CNGA1: variants seen among roughly 807,000 people sequenced by gnomAD.
CNGA1 encodes cyclic nucleotide-gated channel alpha-1.
Under a neutral mutation model 69.7 loss-of-function variants are expected in CNGA1, and 53 were observed. The observed-to-expected ratio is 0.76, with a 90% CI of 0.61 to 0.96. CNGA1 has a LOEUF of 0.96. CNGA1 is among the 40% of genes least tolerant of loss of function. CNGA1 has a pLI of 0.00. For missense variants in CNGA1, 739 were observed against 811.2 expected (o/e 0.91, Z 1.08); for synonymous variants, 249 against 283.5 (o/e 0.88, Z 1.22).
intron 2 of CNGA1, among the ~76,000 whole-genome samples, chr4:48,001,284 C>A (rs957678135): frequency 2.0e-5 from 3 of 152,104 alleles, no homozygotes; most frequent in Non-Finnish European, 2.9e-5. Flanking sequence ...TGTTCACCAA[C>A]ATGTTGAAAC....
chr4:47,971,874 A>G (rs752758586), intron 3 of CNGA1, among the ~76,000 whole-genome samples: 3 of 151,188 alleles, frequency 2.0e-5, no homozygotes, highest in Non-Finnish European at 4.4e-5. Context: ...AGCCTGGGCA[A>G]CAGAGCAAGA....
chr4:47,993,080 G>A (rs1293338448), intron 2 of CNGA1, among the ~76,000 whole-genome samples: 1 of 152,056 alleles, frequency 6.6e-6, no homozygotes, highest in Non-Finnish European at 1.5e-5. Context: ...ATATGTTGTT[G>A]GATTCGGTTA....
intron 3 of CNGA1, among the ~76,000 whole-genome samples, chr4:47,979,145 AC>A (rs1376911652): frequency 6.6e-6 from 1 of 151,890 alleles, no homozygotes; most frequent in East Asian, 1.9e-4. Flanking sequence ...ACATGGCAAA[AC>A]CCCGTCTCCA....
chr4:47,990,224 C>T (rs1742198369), intron 2 of CNGA1, among the ~76,000 whole-genome samples: 1 of 152,068 alleles, frequency 6.6e-6, no homozygotes, highest in African/African-American at 2.4e-5. Context: ...AGGCAGAATA[C>T]AGCCATATTT....
At chr4:47,983,306 CT>C (rs1741826974) in intron 2 of CNGA1, among the ~76,000 whole-genome samples, 1 of 152,092 alleles carries the variant, frequency 6.6e-6, no homozygotes, top group Non-Finnish European at 1.5e-5. Context: ...AAATAAGCCC[CT>C]TGGCGGGGCG....
intron 6 of CNGA1, among the ~76,000 whole-genome samples, chr4:47,948,748 A>G (rs568065857): frequency 2.5e-4 from 38 of 152,284 alleles, no homozygotes; most frequent in Non-Finnish European, 4.1e-4. Flanking sequence ...TTTCCAGCCC[A>G]GTTTTGGTGG....
At chr4:47,961,436 G>A (rs1051916971) in intron 3 of CNGA1, among the ~76,000 whole-genome samples, 5 of 152,172 alleles carry the variant, frequency 3.3e-5, no homozygotes, top group African/African-American at 1.2e-4. Flanking sequence ...GAGAACCAAT[G>A]ATCAGACACT....
intron 1 of CNGA1, chr4:48,013,053 CCAAAAAAG>C (rs1715237784): frequency 1.3e-5 from 2 of 152,080 alleles, no homozygotes; most frequent in South Asian, 4.1e-4. Flanking sequence ...AAGTAAAACT[CCAAAAAAG>C]AGAAGTTGTA....
At chr4:47,999,298 GGTCT>G (rs1714550913) in intron 2 of CNGA1, among the ~76,000 whole-genome samples, 1 of 152,116 alleles carries the variant, frequency 6.6e-6, no homozygotes, top group Non-Finnish European at 1.5e-5. Context: ...ACCCCCTGGG[GGTCT>G]TGGAACATAT....
intron 6 of CNGA1, among the ~76,000 whole-genome samples, chr4:47,945,502 A>T (rs1262227774): frequency 6.6e-6 from 1 of 152,172 alleles, no homozygotes; most frequent in East Asian, 1.9e-4. Flanking sequence ...TGATGTTGAC[A>T]CCTAGGGATT....
rs112408209 is a variant in CNGA1 at position 47,993,673 on chromosome 4, A to C, written c.-122-12173T>G. On this transcript the variant is annotated intron_variant, in intron 2 of 10. Transcript: ENST00000514170. ...CATTTATCTTTTGTATTGGGGGTTC[A>C]ATTTCATTTATTTATGCTCTGATCT... 7.3e-5 allele frequency among the ~76,000 whole-genome samples: 11 copies of C among 151,500 alleles called. 1 individual carries two copies. Among genetic ancestry groups the C allele is most frequent in the African/African-American group, 2.7e-4 (11 of 41,370 alleles).
In CNGA1 at chr4:47,949,826, T is replaced by C. The variant is rs1435511849; in HGVS notation, c.287+7A>G. The C allele has an allele frequency of 6.2e-7, 1 of 1,612,834 alleles. No homozygotes were observed. The highest frequency in any genetic ancestry group is 8.5e-7 in the Non-Finnish European group (1 of 1,178,972). ...AAACTTTGGTTTTCTATTGTAAATA[T>C]ACTTACTGGTCCTTATTGCTGCTGT... On this transcript the variant is annotated splice_region_variant and intron_variant, in intron 6 of 10. Transcript: ENST00000514170.
chr4:47,955,519 G>A (rs900289360), intron 3 of CNGA1, among the ~76,000 whole-genome samples: 2 of 152,100 alleles, frequency 1.3e-5, no homozygotes, highest in African/African-American at 4.8e-5. Context: ...TCTATGCTAT[G>A]AGAACAGATT....
chr4:48,004,033 T>C (rs1273688243), intron 2 of CNGA1, among the ~76,000 whole-genome samples: 3 of 152,232 alleles, frequency 2.0e-5, no homozygotes, highest in Non-Finnish European at 4.4e-5. Flanking sequence ...GTCATGCTTC[T>C]AGTCCGCCTT....
rs34020963 is a variant in CNGA1, at chr4:47,962,343, C to CAA, written c.-14-9642_-14-9641dup. ...CTGGCAACAGAGCGAGACTCTGTCTCAAAAAAAAAAAAAAAATTGATTACA... is the reference window on the plus strand; with the variant it reads ...CTGGCAACAGAGCGAGACTCTGTCTCAAAAAAAAAAAAAAAAAATTGATTACA... On this transcript the variant is annotated intron_variant, in intron 3 of 10. Transcript: ENST00000514170. 5.1e-3 allele frequency among the ~76,000 whole-genome samples: 649 copies of CAA among 126,094 alleles called. 4 individuals are homozygous for CAA. Among genetic ancestry groups the CAA allele is most frequent in the African/African-American group, 0.018 (548 of 29,720 alleles). The allele number at this position is 126,094 out of a possible 152,430, so 82.7% of individuals were successfully genotyped here.
chr4:47,978,248 C>T (rs1002718996), intron 3 of CNGA1, among the ~76,000 whole-genome samples: 15 of 152,212 alleles, frequency 9.9e-5, no homozygotes, highest in Middle Eastern at 3.4e-3. Flanking sequence ...ACTCTCACAA[C>T]GTACTTTAAA....
chr4:47,985,574 A>T (rs1488317767), intron 2 of CNGA1, among the ~76,000 whole-genome samples: 1 of 152,318 alleles, frequency 6.6e-6, no homozygotes, highest in South Asian at 2.1e-4. Flanking sequence ...GCCAACTTAA[A>T]TCTTGGTCAA....
intron 8 of CNGA1, among the ~76,000 whole-genome samples, chr4:47,942,485 A>AT (rs1739147151): frequency 6.6e-6 from 1 of 151,992 alleles, no homozygotes; most frequent in African/African-American, 2.4e-5. Context: ...TAAAGCATAC[A>AT]TTAGGTTTTT....
chr4:47,945,906 AT>A (rs1739368828), intron 6 of CNGA1, among the ~76,000 whole-genome samples: 1 of 151,948 alleles, frequency 6.6e-6, no homozygotes, highest in African/African-American at 2.4e-5. Flanking sequence ...TATGTGGAAA[AT>A]AACACAGTGA....
Sources: gnomAD v4.1 joint callset for allele counts (sites outside exome capture counted in the v4.1 genomes callset) on GRCh38, gnomAD v4.1.1 for gene constraint, MANE v1.5 for transcripts, NCBI Gene and HGNC (gene_info 2026-07-23, HGNC 2026-07-21) for gene names.